The following DSCAM variants were observed in gnomAD, a reference collection of about 807,000 sequenced individuals.
DSCAM encodes the protein DS cell adhesion molecule, also known as cell adhesion molecule DSCAM.
A neutral mutation model predicts 217.7 loss-of-function variants in DSCAM; 47 were observed. The ratio of observed to expected loss-of-function variants is 0.22; its 90% CI spans 0.17 to 0.28. The LOEUF (loss-of-function observed/expected upper bound fraction) is 0.28. Ranked by LOEUF, DSCAM falls within the 10% of genes least tolerant of loss-of-function variation. The pLI, the probability that DSCAM is intolerant of heterozygous loss-of-function variation, is 1.00. For synonymous variants in DSCAM, 1,056 were observed against 1,015.3 expected (o/e 1.04, Z -0.76); for missense variants, 2,080 against 2,618.3 (o/e 0.79, Z 4.49).
At chr21:40,179,253 C>T (rs1370513979) in intron 14 of DSCAM, among the ~76,000 whole-genome samples, 159 bp from the exon 15 acceptor site, 2 of 141,760 alleles carry the variant, frequency 1.4e-5, no homozygotes, top group African/African-American at 2.6e-5. Flanking sequence ...TTTCTGAATG[C>T]AATGTTCCCA....
At chr21:40,446,388 G>A (rs1369493950) in intron 3 of DSCAM, among the ~76,000 whole-genome samples, 1 of 152,106 alleles carries the variant, frequency 6.6e-6, no homozygotes, top group East Asian at 1.9e-4. Flanking sequence ...ATGGCCACTG[G>A]GCACAAGGAA....
chr21:40,529,449 G>T (rs184462575), intron 3 of DSCAM, among the ~76,000 whole-genome samples: 1 of 152,262 alleles, frequency 6.6e-6, no homozygotes, highest in East Asian at 1.9e-4. Context: ...AACCTTAACT[G>T]CAAAGTCTTG....
In DSCAM at chr21:40,487,304, C is replaced by CGT. The variant is rs57837494; in HGVS notation, c.509-118061_509-118060dup. Among the ~76,000 whole-genome samples the CGT allele has an allele frequency of 3.5e-3, 495 of 141,866 alleles. 1 individual carries two copies. Among genetic ancestry groups the CGT allele is most frequent in the Non-Finnish European group, 5.2e-3 (342 of 65,176 alleles). 93.1% of individuals were successfully genotyped at this position (141,866 alleles called of 152,430 possible). A position where few individuals can be genotyped will look rare whatever the true frequency, so the allele number is the denominator to read the frequency against. On this transcript the variant is annotated intron_variant, in intron 3 of 32. Transcript: ENST00000400454. ...GTGTGCATGTGTGCGTGTGTGCGTG[C>CGT]GTGTGTGTGTGTGTGTGTGTGTGAG...
intron 3 of DSCAM, among the ~76,000 whole-genome samples, chr21:40,588,438 T>C (rs2076961893): frequency 6.6e-6 from 1 of 152,218 alleles, no homozygotes; most frequent in African/African-American, 2.4e-5. Context: ...CCGAGCAGGA[T>C]GGCAAAAGTC....
intron 9 of DSCAM, among the ~76,000 whole-genome samples, chr21:40,302,181 T>C (rs714982): frequency 2.0e-5 from 3 of 152,046 alleles, no homozygotes; most frequent in African/African-American, 7.3e-5. Flanking sequence ...TTCCAATAGA[T>C]CATGATATGG....
At chr21:40,771,351 G>A (rs967424514) in intron 1 of DSCAM, among the ~76,000 whole-genome samples, 1 of 152,192 alleles carries the variant, frequency 6.6e-6, no homozygotes, top group African/African-American at 2.4e-5. Context: ...TGAAACGGAT[G>A]GAGGAGGGAG....
At chr21:40,233,284 A>G (rs1020760894) in intron 11 of DSCAM, among the ~76,000 whole-genome samples, 2 of 152,164 alleles carry the variant, frequency 1.3e-5, no homozygotes, top group African/African-American at 4.8e-5. Context: ...TACATTTATA[A>G]CTTTAATAAA....
At chr21:40,448,781 G>A (rs1164128305) in intron 3 of DSCAM, among the ~76,000 whole-genome samples, 1 of 152,004 alleles carries the variant, frequency 6.6e-6, no homozygotes, top group Non-Finnish European at 1.5e-5. Flanking sequence ...ATATAATTAT[G>A]AGAGTTTTGT....
chr21:40,756,398 T>C (rs2091276812), intron 1 of DSCAM, among the ~76,000 whole-genome samples: 1 of 152,004 alleles, frequency 6.6e-6, no homozygotes, highest in Non-Finnish European at 1.5e-5. Context: ...CTCAGTCTCT[T>C]TTTTTTTGTT....
At chr21:40,290,898 A>G (rs1207077884) in intron 10 of DSCAM, among the ~76,000 whole-genome samples, 1 of 152,262 alleles carries the variant, frequency 6.6e-6, no homozygotes, top group Non-Finnish European at 1.5e-5. Context: ...AAAGTTGGGC[A>G]TATGGCTGCA....
chr21:40,338,351 T>G lies in DSCAM; in HGVS notation c.1533A>C (p.Lys511Asn). The G allele has an allele frequency of 1.2e-6, 2 of 1,613,830 alleles. No homozygotes were observed. Among genetic ancestry groups the G allele is most frequent in the Non-Finnish European group, 1.7e-6 (2 of 1,179,690 alleles). Residue 511 changes from lysine to asparagine, a missense_variant, in exon 8 of 33, where the codon AAA (lysine) becomes AAC (asparagine). Physicochemically the swap from Lys to Asn is moderately conservative, Grantham distance 94 (BLOSUM62 0). This residue lies in a region of DSCAM where 568 missense variants were observed against 678.1 expected (regional missense o/e 0.84). Coordinates refer to ENST00000400454, the MANE Select transcript of DSCAM (RefSeq NM_001389.5). Reference sequence around the variant, plus strand: ...CCCGTCCTGCTATTGCTGTGATGTTTTTCATTGGTCGAATGCTTGCAGGCC... The same window carrying G: ...CCCGTCCTGCTATTGCTGTGATGTTGTTCATTGGTCGAATGCTTGCAGGCC... ...VRGPASIRPM[K>N]NITAIAGRDT... is the part of the protein sequence containing the mutation.
intron 1 of DSCAM, among the ~76,000 whole-genome samples, chr21:40,780,436 T>A (rs1284214825): frequency 7.1e-6 from 1 of 141,718 alleles, no homozygotes; most frequent in Non-Finnish European, 1.5e-5. Context: ...TATATATATA[T>A]ATATATATAT....
chr21:40,397,439 C>G (rs1407261206), intron 3 of DSCAM, among the ~76,000 whole-genome samples: 5 of 152,030 alleles, frequency 3.3e-5, no homozygotes, highest in Non-Finnish European at 7.4e-5. Flanking sequence ...GCCTGTTCCC[C>G]CTTTGCCTTC....
At chr21:40,165,613 T>C (rs1398767081) in intron 16 of DSCAM, among the ~76,000 whole-genome samples, 1 of 152,206 alleles carries the variant, frequency 6.6e-6, no homozygotes, top group Non-Finnish European at 1.5e-5. Context: ...AGAGAAAGGA[T>C]ACAATGCCTT....
chr21:40,367,149 A>G (rs970118488), intron 4 of DSCAM, among the ~76,000 whole-genome samples: 3 of 152,194 alleles, frequency 2.0e-5, no homozygotes, highest in Non-Finnish European at 2.9e-5. Context: ...CTCATCTCCA[A>G]CCTAGACCTC....
chr21:40,317,133 C>G (rs1481849006), intron 8 of DSCAM, among the ~76,000 whole-genome samples: 1 of 152,214 alleles, frequency 6.6e-6, no homozygotes, highest in African/African-American at 2.4e-5. Context: ...CTGTCCAGTT[C>G]AGTGCAAGGC....
At chr21:40,663,785 C>T (rs2090169602) in intron 3 of DSCAM, among the ~76,000 whole-genome samples, 1 of 152,164 alleles carries the variant, frequency 6.6e-6, no homozygotes, top group South Asian at 2.1e-4. Context: ...GAGAGGTGCT[C>T]CTGTCAGAGT....
intron 3 of DSCAM, among the ~76,000 whole-genome samples, chr21:40,661,078 G>C (rs2090134365): frequency 1.3e-5 from 2 of 152,184 alleles, no homozygotes; most frequent in East Asian, 1.9e-4. Context: ...TCCGGAAATA[G>C]AGCATTTTGT....
intron 3 of DSCAM, among the ~76,000 whole-genome samples, chr21:40,577,879 C>T (rs966031393): frequency 4.6e-5 from 7 of 152,190 alleles, no homozygotes; most frequent in African/African-American, 1.7e-4. Flanking sequence ...GGATACAGCT[C>T]GCCACAGTAT....
Sources: gnomAD v4.1 joint callset for allele counts (sites outside exome capture counted in the v4.1 genomes callset) on GRCh38, gnomAD v4.1.1 for gene constraint, gnomAD v4.1.1 regional missense constraint, MANE v1.5 for transcripts, NCBI Gene and HGNC (gene_info 2026-07-23, HGNC 2026-07-21) for gene names.